Variants in CWF19L1 observed in about 807,000 individuals in gnomAD.
CWF19L1 encodes CWF19-like protein 1.
CWF19L1 carries 60 observed loss-of-function variants against 69.7 expected under a neutral mutation model. That is an observed-to-expected ratio of 0.86 (90% confidence interval 0.70 to 1.07). The LOEUF (loss-of-function observed/expected upper bound fraction) is 1.07. Among genes scored for constraint, CWF19L1 ranks in the 50% least tolerant of loss-of-function variants. The pLI, the probability that CWF19L1 is intolerant of heterozygous loss-of-function variation, is 0.00. For synonymous variants in CWF19L1, 209 were observed against 222.2 expected, an observed-to-expected ratio of 0.94 and a Z score of 0.53; for missense variants, 591 against 638.9, an observed-to-expected ratio of 0.92 and a Z score of 0.81.
chr10:100,260,985 A>G lies in CWF19L1; in HGVS notation c.168T>C (p.Tyr56=), dbSNP rs751368460. 1 of 1,610,472 alleles carries G rather than the reference A, an allele frequency of 6.2e-7. No individual in the cohort carries two copies. The highest frequency in any genetic ancestry group is 1.1e-5 in the South Asian group (1 of 90,768). Residue 56 remains tyrosine (Y), a synonymous_variant, in exon 3 of 14, where the codon TAT becomes TAC. Coordinates refer to ENST00000354105, the MANE Select transcript of CWF19L1 (RefSeq NM_018294.6). ...CTATACCTTTCTTGATGCCAGTCTTATACTCCTCCCATTCAGCATCTTGGG... is the reference window on the plus strand; with the variant it reads ...CTATACCTTTCTTGATGCCAGTCTTGTACTCCTCCCATTCAGCATCTTGGG... ...GSTQDAEWEE[Y]KTGIKKAPIQ... is the part of the protein sequence containing the mutation.
intron 3 of CWF19L1, 24 bp from the exon 4 acceptor site, chr10:100,260,343 A>G: frequency 1.5e-6 from 2 of 1,306,406 alleles, no homozygotes; most frequent in Non-Finnish European, 2.2e-6. Flanking sequence ...CAGACATGAC[A>G]CCATATAGTT....
At chr10:100,247,947 A>G (rs572049943) in intron 7 of CWF19L1, among the ~76,000 whole-genome samples, 5 of 149,164 alleles carry the variant, frequency 3.4e-5, no homozygotes, top group East Asian at 2.0e-4. Flanking sequence ...ATGGAGGGGG[A>G]AAAAAAAAAA....
chr10:100,238,093 A>G lies in CWF19L1; in HGVS notation c.1183T>C (p.Phe395Leu), dbSNP rs1846507766. Residue 395 changes from phenylalanine (F) to leucine (L), a missense_variant, in exon 11 of 14, where the codon TTC (phenylalanine) becomes CTC (leucine). Physicochemically the swap from Phe to Leu is conservative, Grantham distance 22. Around this residue, in one of 3 missense-constraint regions of CWF19L1, gnomAD observed 458 missense variants for 489.3 expected, o/e 0.94. Coordinates refer to ENST00000354105, the MANE Select transcript of CWF19L1 (RefSeq NM_018294.6). Reference protein sequence around the residue: ...VEKYKATLRRFFKSRGKWCVV... With the variant: ...VEKYKATLRRLFKSRGKWCVV... ...CACCATTTCCCTCGACTCTTAAAGA[A>G]CCGTCTCAGAGTGGCCTTATACTTC... is the stretch of plus-strand genomic sequence containing the variant. 22 of 1,614,074 alleles carry G rather than the reference A, an allele frequency of 1.4e-5. No homozygotes were observed. The highest frequency in any genetic ancestry group is 1.7e-5 in the Non-Finnish European group (20 of 1,180,044).
At chr10:100,238,430 G>A (rs1169336974) in intron 10 of CWF19L1, among the ~76,000 whole-genome samples, 199 bp from the exon 11 acceptor site, 5 of 152,088 alleles carry the variant, frequency 3.3e-5, no homozygotes, top group African/African-American at 1.2e-4. Context: ...AGTGAGATTC[G>A]GCATGAAAAT....
chr10:100,264,499 C>A (rs958914989), intron 1 of CWF19L1, among the ~76,000 whole-genome samples: 1 of 150,026 alleles, frequency 6.7e-6, no homozygotes, highest in African/African-American at 2.5e-5. Flanking sequence ...GAGCTGAGAT[C>A]GCGGCACTGC....
chr10:100,267,145 CG>C (rs1304110384), intron 1 of CWF19L1, among the ~76,000 whole-genome samples: 33 of 86,744 alleles, frequency 3.8e-4, no homozygotes, highest in South Asian at 1.6e-3. Flanking sequence ...CCCTCCTCCT[CG>C]CAAAAAAAAA....
In CWF19L1 at chr10:100,246,921, G is replaced by GT. The variant is rs1416845897; in HGVS notation, c.722_723insA (p.Phe241LeufsTer23). On this transcript the variant is annotated frameshift_variant, in exon 8 of 14. Coordinates refer to ENST00000354105, the MANE Select transcript of CWF19L1 (RefSeq NM_018294.6). LOFTEE classifies it high-confidence loss of function. ...CCATTAGCTTCATGGGAACAATACT[G>GT]AACGCGTAAAGATACTTTAGAGAAA... The GT allele has an allele frequency of 6.2e-7, 1 of 1,609,694 alleles. No individual in the cohort carries two copies. The highest frequency in any genetic ancestry group is 8.5e-7 in the Non-Finnish European group (1 of 1,177,234).
chr10:100,267,359 C>T (rs1197190846), intron 1 of CWF19L1: 3 of 914,440 alleles, frequency 3.3e-6, no homozygotes, highest in Non-Finnish European at 3.9e-6. Flanking sequence ...TCCGAACGAG[C>T]GTCGCCAAGA....
At chr10:100,247,404 T>C (rs114736111) in intron 7 of CWF19L1, among the ~76,000 whole-genome samples, 1,692 of 152,352 alleles carry the variant, frequency 0.011, 42 homozygotes, top group African/African-American at 0.038. Context: ...CTGCTATATA[T>C]GCTAATAAAA....
At chr10:100,237,968 C>T in intron 11 of CWF19L1, 54 bp downstream of exon 11, 1 of 1,512,204 alleles carries the variant, frequency 6.6e-7, no homozygotes, top group Non-Finnish European at 9.2e-7. Context: ...ACTTATTTAC[C>T]AATATCAAAG....
At chr10:100,250,712 G>A (rs1012798308) in intron 6 of CWF19L1, among the ~76,000 whole-genome samples, 3 of 152,132 alleles carry the variant, frequency 2.0e-5, no homozygotes, top group Admixed American at 2.0e-4. Context: ...TTGGGAGGCT[G>A]AGACAGGAGG....
chr10:100,242,131 C>T (rs1281943337), intron 10 of CWF19L1, among the ~76,000 whole-genome samples: 3 of 152,148 alleles, frequency 2.0e-5, no homozygotes, highest in Admixed American at 2.0e-4. Flanking sequence ...ATGAGACACA[C>T]ACATTCAAGC....
chr10:100,246,121 A>C (rs1846812231), intron 8 of CWF19L1: 2 of 475,080 alleles, frequency 4.2e-6, no homozygotes, highest in Admixed American at 3.4e-5. Flanking sequence ...AACTACTGCC[A>C]AATTCATCTC....
intron 6 of CWF19L1, among the ~76,000 whole-genome samples, chr10:100,252,513 C>CT: frequency 6.6e-6 from 1 of 151,876 alleles, no homozygotes; most frequent in African/African-American, 2.4e-5. Context: ...AACTCCACCT[C>CT]TGAGTGCAAA....
intron 5 of CWF19L1, chr10:100,253,811 T>A: frequency 3.0e-6 from 1 of 331,750 alleles, no homozygotes; most frequent in Non-Finnish European, 5.4e-6. Context: ...AAACACAAAT[T>A]ATTAAAACCT....
intron 6 of CWF19L1, 67 bp downstream of exon 6, chr10:100,253,352 AAG>A: frequency 1.1e-6 from 1 of 922,402 alleles, no homozygotes. Context: ...AAAAACGAAC[AAG>A]AGAAGTTTAT....
chr10:100,244,005 T>C (rs1234428220), intron 9 of CWF19L1, among the ~76,000 whole-genome samples: 1 of 152,160 alleles, frequency 6.6e-6, no homozygotes, highest in East Asian at 1.9e-4. Flanking sequence ...AACCCACAAG[T>C]GCAAAATCAC....
chr10:100,239,818 A>G (rs1409638935), intron 10 of CWF19L1, among the ~76,000 whole-genome samples: 1 of 152,202 alleles, frequency 6.6e-6, no homozygotes, highest in East Asian at 1.9e-4. Context: ...GACTGAGCAT[A>G]TTGACAAAGT....
chr10:100,241,294 C>T (rs1846631541), intron 10 of CWF19L1, among the ~76,000 whole-genome samples: 2 of 152,070 alleles, frequency 1.3e-5, no homozygotes, highest in South Asian at 4.1e-4. Context: ...CGTGAGCAGG[C>T]GTGAGCCACT....
Sources: gnomAD v4.1 joint callset for allele counts (sites outside exome capture counted in the v4.1 genomes callset) on GRCh38, gnomAD v4.1.1 for gene constraint, gnomAD v4.1.1 regional missense constraint, MANE v1.5 for transcripts, NCBI Gene and HGNC (gene_info 2026-07-23, HGNC 2026-07-21) for gene names.